Variants in PRDM16 observed in about 807,000 individuals in gnomAD.
PRDM16 encodes PR/SET domain 16.
In PRDM16, 23 loss-of-function variants were observed where a neutral mutation model predicts 110.6. That is an observed-to-expected ratio of 0.21 (90% CI 0.15 to 0.29). The LOEUF (loss-of-function observed/expected upper bound fraction) is 0.29. PRDM16 is among the 10% of genes least tolerant of loss of function. PRDM16 has a pLI of 1.00. For missense variants in PRDM16, 1,615 were observed against 1,794.3 expected, an observed-to-expected ratio of 0.90 and a Z score of 1.81; for synonymous variants, 799 against 781.8, an observed-to-expected ratio of 1.02 and a Z score of -0.37.
At chr1:3,105,313 G>A (rs934054443) in intron 1 of PRDM16, among the ~76,000 whole-genome samples, 1 of 152,220 alleles carries the variant, frequency 6.6e-6, no homozygotes, top group Non-Finnish European at 1.5e-5. Context: ...GCTTCCTCCA[G>A]GCACCTGGCC....
At chr1:3,291,005 G>A (rs1160839402) in intron 3 of PRDM16, among the ~76,000 whole-genome samples, 1 of 151,606 alleles carries the variant, frequency 6.6e-6, no homozygotes, top group Non-Finnish European at 1.5e-5. Flanking sequence ...AGGGGCCTGG[G>A]AGAGGCCATC....
chr1:3,375,292 C>T (rs1291875576), intron 3 of PRDM16, among the ~76,000 whole-genome samples: 1 of 152,218 alleles, frequency 6.6e-6, no homozygotes, highest in African/African-American at 2.4e-5. Flanking sequence ...CACCGGCTGC[C>T]GAGCCCAAGG....
At chr1:3,138,060 T>G (rs1018445864) in intron 1 of PRDM16, among the ~76,000 whole-genome samples, 2 of 152,296 alleles carry the variant, frequency 1.3e-5, no homozygotes, top group African/African-American at 4.8e-5. Context: ...CCCGTGTAAG[T>G]TCCCCCTGTG....
Position 3,174,835 on chromosome 1 carries a change from C to T in PRDM16, c.38-11290C>T, listed in dbSNP as rs111932350. On this transcript the variant is annotated intron_variant, in intron 1 of 16. Coordinates refer to ENST00000270722, the MANE Select transcript of PRDM16 (RefSeq NM_022114.4). ...CAGCTGGGGTTCAACGTTCCCCAGT[C>T]TCTGTGGGCCAGGTCCCGGGTGCAG... Among the ~76,000 whole-genome samples the T allele has an allele frequency of 1.8e-3, 271 of 152,322 alleles. 2 individuals are homozygous for T. Among genetic ancestry groups the T allele is most frequent in the African/African-American group, 6.3e-3 (260 of 41,570 alleles).
intron 4 of PRDM16, among the ~76,000 whole-genome samples, chr1:3,392,899 AAG>A (rs1643320949): frequency 1.3e-5 from 2 of 152,302 alleles, no homozygotes; most frequent in Middle Eastern, 3.4e-3. Flanking sequence ...AAAGTGATAA[AAG>A]GGGGAGAAAA....
At chr1:3,345,251 T>G (rs1218552144) in intron 3 of PRDM16, among the ~76,000 whole-genome samples, 1 of 152,358 alleles carries the variant, frequency 6.6e-6, no homozygotes, top group East Asian at 1.9e-4. Context: ...TTTTTGTTAT[T>G]CTCTAGTGCT....
chr1:3,078,641 G>A (rs1225867391), intron 1 of PRDM16, among the ~76,000 whole-genome samples: 2 of 152,246 alleles, frequency 1.3e-5, no homozygotes, highest in Admixed American at 1.3e-4. Flanking sequence ...TAATTCGGTA[G>A]TTCAAATGAA....
intron 3 of PRDM16, among the ~76,000 whole-genome samples, chr1:3,249,962 C>T (rs1639888382): frequency 6.6e-6 from 1 of 152,156 alleles, no homozygotes; most frequent in Non-Finnish European, 1.5e-5. Flanking sequence ...AGGCTGCAGG[C>T]AGAGAGGTGT....
intron 3 of PRDM16, among the ~76,000 whole-genome samples, chr1:3,320,836 TCCAG>T (rs1403416160): frequency 6.6e-6 from 1 of 152,186 alleles, no homozygotes; most frequent in African/African-American, 2.4e-5. Flanking sequence ...CAGCTGGGGC[TCCAG>T]CCAAGTCCTC....
chr1:3,358,068 G>A lies in PRDM16; in HGVS notation c.439-27084G>A, dbSNP rs1474087790. On this transcript the variant is annotated intron_variant, in intron 3 of 16. Coordinates refer to ENST00000270722, the MANE Select transcript of PRDM16 (RefSeq NM_022114.4). The surrounding 1 kb of genome is among the most constrained non-coding windows in gnomAD (Gnocchi z 4.0). The stretch of plus-strand genomic sequence containing the variant: ...ACTGAAGGAGGCTGCCCTGGCTAAC[G>A]GCGGTGCCCAGTGGCCTGGCCTCAC... Among the ~76,000 whole-genome samples the A allele has an allele frequency of 6.6e-6, 1 of 152,226 alleles. No homozygotes were observed. Among genetic ancestry groups the A allele is most frequent in the Non-Finnish European group, 1.5e-5 (1 of 68,030 alleles).
At position 3,434,958 on chromosome 1, in the gene PRDM16, C is replaced by T. The variant is rs967363427; in HGVS notation, c.*1147C>T. ...AGCGGATCGCTCCGGGCCACCAAGC[C>T]GCACCTGTGCCTGAGACTCCGGATG... On this transcript the variant is annotated 3_prime_UTR_variant, in exon 17 of 17. Transcript: ENST00000270722. 13 of 229,836 alleles carry T rather than the reference C, an allele frequency of 5.7e-5. No homozygotes were observed. Among genetic ancestry groups the T allele is most frequent in the Non-Finnish European group, 1.0e-4 (12 of 115,888 alleles). The allele number at this position is 229,836 out of a possible 1,614,324, so 14.2% of individuals were successfully genotyped here. A position where few individuals can be genotyped will look rare whatever the true frequency, so the allele number is the denominator to read the frequency against.
At chr1:3,345,737 C>T in intron 3 of PRDM16, among the ~76,000 whole-genome samples, 1 of 150,632 alleles carries the variant, frequency 6.6e-6, no homozygotes, top group South Asian at 2.1e-4. Flanking sequence ...CGTGCTGCCC[C>T]CTCTGTGGTC....
rs754452366 is a variant in PRDM16, at chr1:3,213,815, C to T, written c.387+27341C>T. Among the ~76,000 whole-genome samples the T allele has an allele frequency of 4.6e-5, 7 of 152,082 alleles. No homozygotes were observed. The South Asian group carries it at 1.2e-3, about 27-fold the overall frequency. ...GCCAGGGCCGTAGACCAAGGACTCC[C>T]GAGGCCAAGCCGGTGCCTTCCCAGG... On this transcript the variant is annotated intron_variant, in intron 2 of 16. Coordinates refer to ENST00000270722, the MANE Select transcript of PRDM16 (RefSeq NM_022114.4). The surrounding 1 kb of genome is among the most constrained non-coding windows in gnomAD (Gnocchi z 5.3).
At chr1:3,142,662 C>T (rs909147024) in intron 1 of PRDM16, among the ~76,000 whole-genome samples, 22 of 152,176 alleles carry the variant, frequency 1.4e-4, no homozygotes, top group African/African-American at 4.1e-4. Flanking sequence ...GCACAGGCAA[C>T]GGAACGCCTG....
intron 1 of PRDM16, among the ~76,000 whole-genome samples, chr1:3,073,468 G>A (rs1484604614): frequency 3.3e-5 from 5 of 152,316 alleles, no homozygotes; most frequent in African/African-American, 1.2e-4. Flanking sequence ...AATCAAACCC[G>A]TGTAACGAGT....
chr1:3,200,846 C>T lies in PRDM16; in HGVS notation c.387+14372C>T, dbSNP rs897884852. 3.3e-5 allele frequency among the ~76,000 whole-genome samples: 5 copies of T among 152,080 alleles called. No individual in the cohort carries two copies. In the East Asian group the frequency reaches 9.7e-4, roughly 29 times the overall value. ...ACCCCGATGATGCTGCCTGTGGACT[C>T]AGCACAGAGCTTCAGACCTGACCAC... On this transcript the variant is annotated intron_variant, in intron 2 of 16. Coordinates refer to ENST00000270722, the MANE Select transcript of PRDM16 (RefSeq NM_022114.4).
At chr1:3,223,776 C>T (rs1237730248) in intron 2 of PRDM16, among the ~76,000 whole-genome samples, 12 of 152,056 alleles carry the variant, frequency 7.9e-5, no homozygotes, top group Admixed American at 4.6e-4. Flanking sequence ...TGGAGGGGGT[C>T]GGCGGAACAG....
At chr1:3,262,921 G>A (rs1557565483) in intron 3 of PRDM16, among the ~76,000 whole-genome samples, 2 of 152,202 alleles carry the variant, frequency 1.3e-5, no homozygotes. Flanking sequence ...GTGCTGGGAG[G>A]TGCAGGTGAC....
At chr1:3,231,995 T>C (rs545750739) in intron 2 of PRDM16, among the ~76,000 whole-genome samples, 69 of 152,232 alleles carry the variant, frequency 4.5e-4, no homozygotes, top group African/African-American at 1.5e-3. Context: ...TGTCACTGGG[T>C]CCCATTAGGA....
Sources: gnomAD v4.1 joint callset for allele counts (sites outside exome capture counted in the v4.1 genomes callset) on GRCh38, gnomAD v4.1.1 for gene constraint, Gnocchi (gnomAD v3.1) non-coding constraint, MANE v1.5 for transcripts, NCBI Gene and HGNC (gene_info 2026-07-23, HGNC 2026-07-21) for gene names.